The following ADAMTSL1 variants were observed in gnomAD, a reference collection of about 807,000 sequenced individuals.
ADAMTSL1 encodes the protein ADAMTS-like protein 1.
A neutral mutation model predicts 201.8 loss-of-function variants in ADAMTSL1; 126 were observed. That is an observed-to-expected ratio of 0.62 (90% CI 0.54 to 0.72). The LOEUF (loss-of-function observed/expected upper bound fraction) is 0.72. Among genes scored for constraint, ADAMTSL1 ranks in the 30% least tolerant of loss-of-function variants. The pLI is 0.00. For missense variants in ADAMTSL1, 2,679 were observed against 2,277.8 expected (o/e 1.18, Z -3.59); for synonymous variants, 1,121 against 903.4 (o/e 1.24, Z -4.32).
At chr9:18,200,796 TTTC>T (rs1829412219) in intron 2 of ADAMTSL1, among the ~76,000 whole-genome samples, 1 of 151,994 alleles carries the variant, frequency 6.6e-6, no homozygotes, top group African/African-American at 2.4e-5. Context: ...CATACCTCTT[TTTC>T]TTCTTCATGT....
At chr9:18,069,352 T>C (rs1822850936) in intron 1 of ADAMTSL1, among the ~76,000 whole-genome samples, 1 of 152,200 alleles carries the variant, frequency 6.6e-6, no homozygotes, top group Admixed American at 6.5e-5. Context: ...ATTATATATG[T>C]GGCTCACATT....
At chr9:18,351,713 T>C (rs937203982) in intron 2 of ADAMTSL1, among the ~76,000 whole-genome samples, 2 of 152,206 alleles carry the variant, frequency 1.3e-5, no homozygotes, top group Admixed American at 6.5e-5. Context: ...TCTTAACCTG[T>C]GGCTCAGTCA....
intron 2 of ADAMTSL1, among the ~76,000 whole-genome samples, chr9:18,453,419 T>G (rs1476548050): frequency 6.6e-6 from 1 of 152,172 alleles, no homozygotes; most frequent in Non-Finnish European, 1.5e-5. Context: ...TTCTATTATC[T>G]ATCTATACTA....
intron 2 of ADAMTSL1, among the ~76,000 whole-genome samples, chr9:18,354,664 A>G (rs931586404): frequency 3.9e-5 from 6 of 152,140 alleles, no homozygotes. Flanking sequence ...TGTGGTTATG[A>G]TGACTTAAAA....
chr9:18,307,665 C>A (rs1833961472), intron 2 of ADAMTSL1, among the ~76,000 whole-genome samples: 1 of 152,060 alleles, frequency 6.6e-6, no homozygotes, highest in African/African-American at 2.4e-5. Context: ...TATATATGCA[C>A]CCAATACAGG....
At chr9:18,465,131 C>T (rs1820953814) in intron 2 of ADAMTSL1, among the ~76,000 whole-genome samples, 1 of 152,348 alleles carries the variant, frequency 6.6e-6, no homozygotes, top group South Asian at 2.1e-4. Flanking sequence ...TGTTTCTACA[C>T]TGGCCGTTAA....
intron 12 of ADAMTSL1, 140 bp downstream of exon 12, chr9:18,682,099 T>G: frequency 2.0e-6 from 2 of 1,018,204 alleles, no homozygotes; most frequent in Non-Finnish European, 2.7e-6. Context: ...CTAAAGGAAT[T>G]TGATTATCTT....
At chr9:18,439,663 C>T (rs1819910943) in intron 2 of ADAMTSL1, among the ~76,000 whole-genome samples, 1 of 152,180 alleles carries the variant, frequency 6.6e-6, no homozygotes, top group Non-Finnish European at 1.5e-5. Context: ...CTGCTCCTGG[C>T]TTATAATAAC....
chr9:18,818,102 C>T (rs1177436409), intron 21 of ADAMTSL1, among the ~76,000 whole-genome samples: 2 of 152,204 alleles, frequency 1.3e-5, no homozygotes, highest in African/African-American at 2.4e-5. Flanking sequence ...GGCCCAGCTA[C>T]TATTTTTCCC....
At chr9:18,763,394 G>C (rs1041313169) in intron 16 of ADAMTSL1, among the ~76,000 whole-genome samples, 2 of 152,058 alleles carry the variant, frequency 1.3e-5, no homozygotes, top group African/African-American at 4.8e-5. Flanking sequence ...ATATATTCTG[G>C]TTATTACTCC....
intron 2 of ADAMTSL1, among the ~76,000 whole-genome samples, chr9:18,396,144 G>C (rs979904188): frequency 6.6e-6 from 1 of 152,126 alleles, no homozygotes; most frequent in Non-Finnish European, 1.5e-5. Context: ...GAGCACTCTG[G>C]TCCTTTTCAT....
intron 2 of ADAMTSL1, among the ~76,000 whole-genome samples, chr9:18,454,557 G>C (rs975964255): frequency 2.0e-5 from 3 of 152,014 alleles, no homozygotes; most frequent in African/African-American, 7.2e-5. Flanking sequence ...CAAATGTCTC[G>C]ATATGTCTGG....
At chr9:18,374,916 G>T (rs1357164118) in intron 2 of ADAMTSL1, among the ~76,000 whole-genome samples, 1 of 152,222 alleles carries the variant, frequency 6.6e-6, no homozygotes, top group Admixed American at 6.5e-5. Flanking sequence ...GAATGGAGCT[G>T]ACAATGGTTA....
intron 2 of ADAMTSL1, among the ~76,000 whole-genome samples, chr9:18,183,352 T>A (rs1369869627): frequency 2.0e-5 from 3 of 152,186 alleles, no homozygotes; most frequent in Admixed American, 2.0e-4. Context: ...ACCAAAGGCA[T>A]GATTCACGAA....
chr9:18,180,177 G>A (rs1828391635), intron 2 of ADAMTSL1, among the ~76,000 whole-genome samples: 1 of 152,060 alleles, frequency 6.6e-6, no homozygotes, highest in African/African-American at 2.4e-5. Flanking sequence ...AAGGATGGAG[G>A]AAGATCTACC....
chr9:18,097,967 G>A (rs574216767), intron 1 of ADAMTSL1, among the ~76,000 whole-genome samples: 1 of 151,572 alleles, frequency 6.6e-6, no homozygotes, highest in Non-Finnish European at 1.5e-5. Flanking sequence ...TTAGCTTTTA[G>A]GTTTAGGTTA....
chr9:18,563,679 G>A (rs908014093), intron 3 of ADAMTSL1, among the ~76,000 whole-genome samples: 4 of 152,206 alleles, frequency 2.6e-5, no homozygotes, highest in Non-Finnish European at 4.4e-5. Flanking sequence ...CCCTGACTGG[G>A]GCTGCTGCCT....
intron 3 of ADAMTSL1, among the ~76,000 whole-genome samples, chr9:18,539,012 ACTCTTTCCAGCCAACGCTTGG>A (rs369845347): frequency 0.014 from 2,060 of 151,934 alleles, 41 homozygotes; most frequent in African/African-American, 0.047. Context: ...CAGTGAGCCA[ACTCTTTCCAGCCAACGCTTGG>A]CTCTTTCCAG....
intron 1 of ADAMTSL1, among the ~76,000 whole-genome samples, chr9:17,993,235 C>T (rs933003901): frequency 9.2e-5 from 14 of 152,150 alleles, no homozygotes; most frequent in African/African-American, 3.1e-4. Context: ...GTGTAGCACA[C>T]ATCTGGCCTT....
Sources: allele counts gnomAD v4.1 joint callset (sites outside exome capture counted in the v4.1 genomes callset), GRCh38; gene constraint gnomAD v4.1.1; transcripts MANE v1.5; gene names NCBI Gene and HGNC (gene_info 2026-07-23, HGNC 2026-07-21).